The following WNT7A variants were observed in gnomAD, a reference collection of about 807,000 sequenced individuals.
The protein encoded by WNT7A is Wnt family member 7A.
In WNT7A, 16 loss-of-function variants were observed where a neutral mutation model predicts 28.2. That is an observed-to-expected ratio of 0.57 (90% CI 0.38 to 0.86). WNT7A has a LOEUF of 0.86. WNT7A is among the 40% of genes least tolerant of loss of function. The probability of loss-of-function intolerance (pLI) is 0.00; values close to 1 mark genes in which losing one functional copy is unlikely to be tolerated. For synonymous variants in WNT7A, 190 were observed against 195.9 expected, an observed-to-expected ratio of 0.97 and a Z score of 0.25; for missense variants, 411 against 489.7, an observed-to-expected ratio of 0.84 and a Z score of 1.52.
chr3:13,830,751 C>A (rs1421121949), intron 3 of WNT7A, among the ~76,000 whole-genome samples: 1 of 152,212 alleles, frequency 6.6e-6, no homozygotes, highest in Non-Finnish European at 1.5e-5. Flanking sequence ...ACACTGCCCT[C>A]CAGGGCAGAC....
chr3:13,863,038 T>A (rs999297095), intron 2 of WNT7A, among the ~76,000 whole-genome samples: 1 of 152,330 alleles, frequency 6.6e-6, no homozygotes, highest in African/African-American at 2.4e-5. Flanking sequence ...AAGGCCTCAG[T>A]TTCCTCATTT....
chr3:13,864,358 C>T (rs1269946066), intron 2 of WNT7A, among the ~76,000 whole-genome samples: 4 of 152,148 alleles, frequency 2.6e-5, no homozygotes, highest in African/African-American at 4.8e-5. Flanking sequence ...CCCTACGCTA[C>T]GCCCTGCAGT....
chr3:13,843,293 CTCA>C (rs1195981434), intron 3 of WNT7A, among the ~76,000 whole-genome samples: 1 of 152,198 alleles, frequency 6.6e-6, no homozygotes, highest in African/African-American at 2.4e-5. Flanking sequence ...TTTCCAAGCA[CTCA>C]TCATGCCTGA....
intron 2 of WNT7A, among the ~76,000 whole-genome samples, chr3:13,856,886 AGAAGAAAAAGAAGAAG>A (rs1694741802): frequency 1.4e-5 from 1 of 68,974 alleles, no homozygotes; most frequent in African/African-American, 8.1e-5. Flanking sequence ...AAGAGGAAGA[AGAAGAAAAAGAAGAAG>A]AAGAAGAAGA....
At chr3:13,861,318 C>T (rs1179605680) in intron 2 of WNT7A, among the ~76,000 whole-genome samples, 4 of 152,220 alleles carry the variant, frequency 2.6e-5, no homozygotes, top group Non-Finnish European at 4.4e-5. Flanking sequence ...GAGGAAGAAC[C>T]TCCCTCAAAT....
chr3:13,867,964 G>C (rs892785575), intron 2 of WNT7A, among the ~76,000 whole-genome samples: 3 of 152,166 alleles, frequency 2.0e-5, no homozygotes, highest in South Asian at 2.1e-4. Flanking sequence ...TGCTTCCAGC[G>C]GGGGAGGAGC....
chr3:13,848,937 C>T (rs1694585729), intron 3 of WNT7A, among the ~76,000 whole-genome samples: 1 of 152,194 alleles, frequency 6.6e-6, no homozygotes, highest in Non-Finnish European at 1.5e-5. Flanking sequence ...GCTACTGATA[C>T]ACAACACTTG....
intron 2 of WNT7A, among the ~76,000 whole-genome samples, chr3:13,855,997 T>G (rs1223061866): frequency 6.6e-6 from 1 of 152,008 alleles, no homozygotes; most frequent in African/African-American, 2.4e-5. Flanking sequence ...CCACCCACCT[T>G]CTCATTCACC....
At chr3:13,864,028 G>A (rs1694873174) in intron 2 of WNT7A, 1 of 152,114 alleles carries the variant, frequency 6.6e-6, no homozygotes, top group African/African-American at 2.4e-5. Context: ...GGACTCCAGG[G>A]GTTGACTCCT....
Position 13,824,999 on chromosome 3 carries a change from T to C in WNT7A, c.571-5576A>G, listed in dbSNP as rs191726960. 1.5e-3 allele frequency among the ~76,000 whole-genome samples: 224 copies of C among 152,216 alleles called. 1 individual carries two copies. The highest frequency in any genetic ancestry group is 5.2e-3 in the African/African-American group (214 of 41,544). ...CACTAACCAAGGACACTGTGCAAGGTCCGTGGTTAAGAGAGCAAAGCAAGG... is the reference window on the plus strand; with the variant it reads ...CACTAACCAAGGACACTGTGCAAGGCCCGTGGTTAAGAGAGCAAAGCAAGG... On this transcript the variant is annotated intron_variant, in intron 3 of 3. Coordinates refer to ENST00000285018, the MANE Select transcript of WNT7A (RefSeq NM_004625.4).
At position 13,820,518 on chromosome 3, in the gene WNT7A, G is replaced by T. The variant is rs562114296; in HGVS notation, c.571-1095C>A. Among the ~76,000 whole-genome samples the T allele has an allele frequency of 6.6e-5, 10 of 152,064 alleles. No homozygotes were observed. The South Asian group carries it at 1.7e-3, about 25-fold the overall frequency. On this transcript the variant is annotated intron_variant, in intron 3 of 3. Coordinates refer to ENST00000285018, the MANE Select transcript of WNT7A (RefSeq NM_004625.4). ...GAACTGAGTGCCTGCTGGCCACTTA[G>T]TTCCCATGTGATGCTTCTTCTCCAG...
At chr3:13,850,665 G>A (rs1694618603) in intron 3 of WNT7A, among the ~76,000 whole-genome samples, 1 of 152,056 alleles carries the variant, frequency 6.6e-6, no homozygotes, top group African/African-American at 2.4e-5. Context: ...TCATGAAGGG[G>A]TTGCTGAGAG....
intron 3 of WNT7A, 124 bp downstream of exon 3, chr3:13,854,408 G>T: frequency 6.7e-7 from 1 of 1,501,694 alleles, no homozygotes; most frequent in Non-Finnish European, 9.2e-7. Flanking sequence ...CCAGCACCAA[G>T]CAGAATGAGG....
At position 13,853,795 on chromosome 3, in the gene WNT7A, T is replaced by C. The variant is rs896081700; in HGVS notation, c.570+737A>G. Among the ~76,000 whole-genome samples, 20 of 152,206 alleles carry C rather than the reference T, an allele frequency of 1.3e-4. 1 individual carries two copies. The highest frequency in any genetic ancestry group is 1.3e-3 in the Admixed American group (20 of 15,286). The stretch of plus-strand genomic sequence containing the variant: ...CTATTCTCTCCTTTAATTCTCACCA[T>C]GGCCCAGCCAGGGAGCCGTGGGTGA... On this transcript the variant is annotated intron_variant, in intron 3 of 3. Transcript: ENST00000285018.
intron 3 of WNT7A, among the ~76,000 whole-genome samples, chr3:13,834,075 G>A (rs984581897): frequency 4.6e-5 from 7 of 152,186 alleles, no homozygotes; most frequent in East Asian, 1.9e-4. Flanking sequence ...ACTTGCTCCC[G>A]TTCCTGTGGT....
intron 2 of WNT7A, among the ~76,000 whole-genome samples, chr3:13,859,612 C>T (rs564907369): frequency 2.4e-4 from 36 of 152,244 alleles, no homozygotes; most frequent in Non-Finnish European, 4.6e-4. Context: ...AGCCCTACCA[C>T]CATGACCCCT....
At chr3:13,869,570 A>AAG (rs200249080) in intron 2 of WNT7A, among the ~76,000 whole-genome samples, 4 of 147,428 alleles carry the variant, frequency 2.7e-5, no homozygotes, top group South Asian at 2.3e-4. Flanking sequence ...GGAAGGAATG[A>AAG]AGAGAGAGAG....
At chr3:13,819,479 T>C in intron 3 of WNT7A, 56 bp from the exon 4 acceptor site, 1 of 1,586,130 alleles carries the variant, frequency 6.3e-7, no homozygotes, top group Non-Finnish European at 8.5e-7. Context: ...CAAGGCCAAG[T>C]GCAGCCCCCA....
intron 2 of WNT7A, among the ~76,000 whole-genome samples, chr3:13,856,950 GA>G (rs1694750341): frequency 8.1e-6 from 1 of 123,038 alleles, no homozygotes; most frequent in African/African-American, 3.9e-5. Flanking sequence ...AGAAGAAGAA[GA>G]AGAAGAAGAA....
Sources: allele counts gnomAD v4.1 joint callset (sites outside exome capture counted in the v4.1 genomes callset), GRCh38; gene constraint gnomAD v4.1.1; transcripts MANE v1.5; gene names NCBI Gene and HGNC (gene_info 2026-07-23, HGNC 2026-07-21).